Variants in GRID2 observed in about 807,000 individuals in gnomAD.
GRID2 encodes glutamate ionotropic receptor delta type subunit 2, also known as glutamate receptor ionotropic, delta-2.
A neutral mutation model predicts 114.8 loss-of-function variants in GRID2; 33 were observed. That is an observed-to-expected ratio of 0.29 (90% CI 0.22 to 0.38). The LOEUF (loss-of-function observed/expected upper bound fraction) is 0.38, where lower values mean the gene tolerates loss of function less well. Ranked by LOEUF, GRID2 falls within the 10% of genes least tolerant of loss-of-function variation. The pLI is 1.00. For synonymous variants in GRID2, 505 were observed against 449.9 expected (o/e 1.12, Z -1.55); for missense variants, 1,184 against 1,257.7 (o/e 0.94, Z 0.89).
At chr4:92,336,956 T>TTG (rs1727211326) in intron 1 of GRID2, among the ~76,000 whole-genome samples, 1 of 146,844 alleles carries the variant, frequency 6.8e-6, no homozygotes, top group African/African-American at 2.5e-5. Flanking sequence ...TCGTTGTTGT[T>TTG]TTTTTTTTTT....
intron 2 of GRID2, among the ~76,000 whole-genome samples, chr4:92,741,897 T>C (rs1254701618): frequency 6.6e-6 from 1 of 152,164 alleles, no homozygotes; most frequent in East Asian, 1.9e-4. Context: ...TTATAAGCGG[T>C]TTTACCTATT....
chr4:93,314,303 C>CAAAAAAAAAAAA (rs56977080), intron 8 of GRID2, among the ~76,000 whole-genome samples: 1 of 54,138 alleles, frequency 1.8e-5, no homozygotes, highest in African/African-American at 6.8e-5. Context: ...GAGTCTGTCT[C>CAAAAAAAAAAAA]AAAAAAAAAA....
chr4:93,109,733 AAAAG>A (rs1732587510), intron 3 of GRID2, among the ~76,000 whole-genome samples: 1 of 152,160 alleles, frequency 6.6e-6, no homozygotes, highest in African/African-American at 2.4e-5. Flanking sequence ...ATGATATAGT[AAAAG>A]AAAATCTACT....
At chr4:92,455,080 G>A (rs4389540) in intron 1 of GRID2, among the ~76,000 whole-genome samples, 130,380 of 152,218 alleles carry the variant, frequency 0.86, 56,003 homozygotes, top group East Asian at 1. Flanking sequence ...ATATAGCACC[G>A]CTGTAAATTT....
chr4:92,403,305 C>T (rs1172505507), intron 1 of GRID2, among the ~76,000 whole-genome samples: 2 of 152,112 alleles, frequency 1.3e-5, no homozygotes, highest in Non-Finnish European at 2.9e-5. Context: ...TTTTGTTGCA[C>T]AACTCAGGTG....
At chr4:92,943,438 T>C (rs555074407) in intron 2 of GRID2, among the ~76,000 whole-genome samples, 1 of 152,314 alleles carries the variant, frequency 6.6e-6, no homozygotes, top group Non-Finnish European at 1.5e-5. Flanking sequence ...ATCAGGTCGT[T>C]TAAAGACTTC....
chr4:93,767,445 ATTAC>A lies in GRID2; in HGVS notation c.2361-1763_2361-1760del, dbSNP rs1412711258. ...TTAGTAAATTCAATTAATCAAATTAATTACTCTTCTAGAGCAACACTCTAGACAG... is the reference window on the plus strand; with the variant it reads ...TTAGTAAATTCAATTAATCAAATTAATCTTCTAGAGCAACACTCTAGACAG... On this transcript the variant is annotated intron_variant, in intron 14 of 15. Coordinates refer to ENST00000282020, the MANE Select transcript of GRID2 (RefSeq NM_001510.4). Among the ~76,000 whole-genome samples the A allele has an allele frequency of 2.6e-5, 4 of 152,314 alleles. No homozygotes were observed. In the East Asian group the frequency reaches 7.7e-4, roughly 29 times the overall value.
At chr4:93,045,002 G>A (rs1349445980) in intron 2 of GRID2, among the ~76,000 whole-genome samples, 4 of 152,098 alleles carry the variant, frequency 2.6e-5, no homozygotes, top group African/African-American at 9.7e-5. Flanking sequence ...CTCCCTTATA[G>A]TTATCAAGAA....
intron 2 of GRID2, among the ~76,000 whole-genome samples, chr4:92,676,252 C>T (rs1419322943): frequency 1.7e-3 from 1 of 600 alleles, no homozygotes; most frequent in Non-Finnish European, 3.0e-3. Context: ...GCTATCTCGG[C>T]TCACTGCAAG....
At chr4:93,653,129 A>G (rs1361609799) in intron 14 of GRID2, among the ~76,000 whole-genome samples, 4 of 152,172 alleles carry the variant, frequency 2.6e-5, no homozygotes, top group African/African-American at 9.7e-5. Flanking sequence ...TTTAATCTAG[A>G]TGAGAGATGA....
intron 2 of GRID2, among the ~76,000 whole-genome samples, chr4:92,626,678 CAT>C (rs1323166829): frequency 6.6e-6 from 1 of 151,982 alleles, no homozygotes; most frequent in African/African-American, 2.4e-5. Flanking sequence ...TTTACAAAAA[CAT>C]ATGTAAAATC....
intron 13 of GRID2, among the ~76,000 whole-genome samples, chr4:93,575,781 A>G (rs774165288): frequency 1.3e-5 from 2 of 152,310 alleles, no homozygotes; most frequent in South Asian, 2.1e-4. Context: ...TCATAAAGGA[A>G]TAGATTTCTT....
chr4:93,486,966 T>C (rs987616123), intron 11 of GRID2, among the ~76,000 whole-genome samples: 3 of 151,816 alleles, frequency 2.0e-5, no homozygotes, highest in African/African-American at 4.8e-5. Context: ...GCCTTACATT[T>C]TGTGGTGCGT....
At chr4:92,610,179 C>A (rs1305141761) in intron 2 of GRID2, among the ~76,000 whole-genome samples, 1 of 151,614 alleles carries the variant, frequency 6.6e-6, no homozygotes, top group Non-Finnish European at 1.5e-5. Flanking sequence ...TTGCCTTAGA[C>A]TGACACCCCC....
chr4:92,616,180 C>G (rs184202213), intron 2 of GRID2, among the ~76,000 whole-genome samples: 153 of 151,636 alleles, frequency 1.0e-3, no homozygotes, highest in Admixed American at 2.1e-3. Flanking sequence ...GCAATAGATT[C>G]TCTCAGTATT....
rs138180889 is a variant in GRID2, at chr4:93,159,314, T to G, written c.736-48090T>G. On this transcript the variant is annotated intron_variant, in intron 4 of 15. Transcript: ENST00000282020. ...TTCCAACCAATGTTTCAAGGAGTGC[T>G]GGATCCAGGACTATCTGTAGAAGCT... Among the ~76,000 whole-genome samples, 103 of 151,968 alleles carry G rather than the reference T, an allele frequency of 6.8e-4. 1 individual carries two copies. The highest frequency in any genetic ancestry group is 1.3e-3 in the Non-Finnish European group (91 of 67,866).
chr4:93,644,725 A>T (rs2149712893), intron 14 of GRID2, among the ~76,000 whole-genome samples: 1 of 152,264 alleles, frequency 6.6e-6, no homozygotes, highest in East Asian at 1.9e-4. Context: ...CAGTAAAGTG[A>T]CTCAAAATCA....
At chr4:92,408,238 A>C (rs905012872) in intron 1 of GRID2, among the ~76,000 whole-genome samples, 1 of 151,894 alleles carries the variant, frequency 6.6e-6, no homozygotes, top group Non-Finnish European at 1.5e-5. Context: ...GATTTTGTTA[A>C]AGATCAGATG....
At chr4:93,536,357 A>C (rs553212621) in intron 13 of GRID2, among the ~76,000 whole-genome samples, 1 of 151,924 alleles carries the variant, frequency 6.6e-6, no homozygotes, top group Non-Finnish European at 1.5e-5. Flanking sequence ...AAAAACAGAC[A>C]CATAGGCTAA....
Sources: allele counts gnomAD v4.1 joint callset (sites outside exome capture counted in the v4.1 genomes callset), GRCh38; gene constraint gnomAD v4.1.1; transcripts MANE v1.5; gene names NCBI Gene and HGNC (gene_info 2026-07-23, HGNC 2026-07-21).